Variants in PPP1R16A observed in about 807,000 individuals in gnomAD.
The protein encoded by PPP1R16A is protein phosphatase 1 regulatory subunit 16A.
Under a neutral mutation model 46.6 loss-of-function variants are expected in PPP1R16A, and 39 were observed. The observed-to-expected ratio is 0.84, with a 90% CI of 0.65 to 1.09. The LOEUF (loss-of-function observed/expected upper bound fraction) is 1.09, where lower values mean the gene tolerates loss of function less well. Ranked by LOEUF, PPP1R16A falls within the 50% of genes least tolerant of loss-of-function variation. The probability of loss-of-function intolerance (pLI) is 0.00; values close to 1 mark genes in which losing one functional copy is unlikely to be tolerated. For synonymous variants in PPP1R16A, 413 were observed against 321.5 expected, an observed-to-expected ratio of 1.28 and a Z score of -3.04; for missense variants, 798 against 735.6, an observed-to-expected ratio of 1.08 and a Z score of -0.98.
intron 2 of PPP1R16A, among the ~76,000 whole-genome samples, chr8:144,490,666 G>A (rs1825777910): frequency 6.6e-6 from 1 of 152,200 alleles, no homozygotes; most frequent in Non-Finnish European, 1.5e-5. Context: ...GCTGAGGTGA[G>A]GCATGTCTCC....
Position 144,500,822 on chromosome 8 carries a change from C to T in PPP1R16A, c.908-20C>T, listed in dbSNP as rs748669302. 91 of 1,588,600 alleles carry T rather than the reference C, an allele frequency of 5.7e-5. No individual in the cohort carries two copies. The highest frequency in any genetic ancestry group is 7.1e-5 in the Non-Finnish European group (83 of 1,168,810). On this transcript the variant is annotated intron_variant, in intron 9 of 11. Coordinates refer to ENST00000435887, the MANE Select transcript of PPP1R16A (RefSeq NM_001329443.2). ...GGACAGGCGGGGAGGGCGCCCCTGA[C>T]GCCTGCGCCCACTTCTCAGATGTGT...
At chr8:144,499,886 G>A in intron 5 of PPP1R16A, 1 of 573,328 alleles carries the variant, frequency 1.7e-6, no homozygotes, top group Non-Finnish European at 3.1e-6. Flanking sequence ...TCCCTGGATG[G>A]ATAGAGACTG....
In PPP1R16A at chr8:144,497,279, C is replaced by A. The variant is rs373164819; in HGVS notation, c.85C>A (p.Arg29=). The A allele has an allele frequency of 1.2e-6, 2 of 1,610,920 alleles. No homozygotes were observed. The highest frequency in any genetic ancestry group is 1.7e-6 in the Non-Finnish European group (2 of 1,179,228). ...TQERLKHAQK[R]RAQQVKMWAQ... is the part of the protein sequence containing the mutation. ...GGAGCGGCTGAAGCATGCCCAGAAG[C>A]GGCGCGCCCAGCAGGTGAAGATGTG... Residue 29 remains arginine, a synonymous_variant, in exon 3 of 12, where the codon CGG becomes AGG. Transcript: ENST00000435887.
intron 1 of PPP1R16A, among the ~76,000 whole-genome samples, chr8:144,480,494 T>C (rs1825366714): frequency 2.0e-5 from 3 of 151,838 alleles, no homozygotes. Flanking sequence ...TTATATCTTT[T>C]TTTTTTTTTT....
chr8:144,487,941 G>C (rs1036771116), intron 1 of PPP1R16A, among the ~76,000 whole-genome samples: 1 of 152,236 alleles, frequency 6.6e-6, no homozygotes, highest in Non-Finnish European at 1.5e-5. Context: ...CATCTTTTCA[G>C]TTCTGGGTTT....
intron 5 of PPP1R16A, 191 bp downstream of exon 5, chr8:144,499,252 G>A (rs1355459746): frequency 4.0e-6 from 3 of 747,052 alleles, no homozygotes; most frequent in Non-Finnish European, 6.2e-6. Context: ...GCCCAGGGCA[G>A]CGCGGTCCCT....
intron 1 of PPP1R16A, among the ~76,000 whole-genome samples, chr8:144,489,624 C>T (rs767030836): frequency 2.0e-5 from 3 of 152,124 alleles, no homozygotes; most frequent in Non-Finnish European, 4.4e-5. Context: ...TCCAGAGCCT[C>T]CTCTTCTGCC....
intron 1 of PPP1R16A, 78 bp from the exon 2 acceptor site, chr8:144,489,956 C>T (rs974735952): frequency 1.3e-5 from 2 of 152,334 alleles, no homozygotes; most frequent in African/African-American, 4.8e-5. Flanking sequence ...CTTGGCCGCA[C>T]TGAGCTGTGC....
At chr8:144,499,311 C>G (rs1380379039) in intron 5 of PPP1R16A, 3 of 547,722 alleles carry the variant, frequency 5.5e-6, no homozygotes, top group African/African-American at 3.8e-5. Context: ...CTCGGGCCCC[C>G]CCCCAGAGTG....
intron 1 of PPP1R16A, among the ~76,000 whole-genome samples, chr8:144,479,601 C>T (rs533640521): frequency 2.4e-4 from 36 of 152,316 alleles, no homozygotes; most frequent in Non-Finnish European, 4.7e-4. Flanking sequence ...TCTTGAACCT[C>T]TGGTCTGAAT....
At chr8:144,485,777 G>A (rs1383898893) in intron 1 of PPP1R16A, among the ~76,000 whole-genome samples, 2 of 152,282 alleles carry the variant, frequency 1.3e-5, no homozygotes, top group African/African-American at 2.4e-5. Context: ...GTGAGCCCAT[G>A]GCCAAGATGC....
At chr8:144,485,212 C>CAAAAAAAAAAAAAAAAAAAAAAA (rs749667274) in intron 1 of PPP1R16A, among the ~76,000 whole-genome samples, 1 of 61,528 alleles carries the variant, frequency 1.6e-5, no homozygotes, top group African/African-American at 1.1e-4. Flanking sequence ...AATAGAATCT[C>CAAAAAAAAAAAAAAAAAAAAAAA]AAAAAAAAAA....
chr8:144,500,815 C>G (rs938471863), intron 9 of PPP1R16A, 27 bp from the exon 10 acceptor site: 1 of 1,593,210 alleles, frequency 6.3e-7, no homozygotes, highest in Admixed American at 1.7e-5. Flanking sequence ...GGGGAGGGCG[C>G]CCCTGACGCC....
intron 1 of PPP1R16A, among the ~76,000 whole-genome samples, chr8:144,488,364 G>A (rs758933991): frequency 6.6e-6 from 1 of 152,198 alleles, no homozygotes. Context: ...TTGAGGGAGT[G>A]GCTCTGCTAT....
Position 144,496,818 on chromosome 8 carries a change from A to C in PPP1R16A, c.-377A>C. On this transcript the variant is annotated 5_prime_UTR_variant, in exon 3 of 12. Transcript: ENST00000435887. Reference sequence around the variant, plus strand: ...CTCAGCAGGGTGCCCGGAAGCTGGAACCTTGTTATCTGGGTAATTAGTTTC... The same window carrying C: ...CTCAGCAGGGTGCCCGGAAGCTGGACCCTTGTTATCTGGGTAATTAGTTTC... The C allele has an allele frequency of 3.5e-6, 1 of 286,420 alleles. No individual in the cohort carries two copies. 17.7% of individuals were successfully genotyped at this position (286,420 alleles called of 1,614,324 possible).
intron 1 of PPP1R16A, among the ~76,000 whole-genome samples, chr8:144,489,830 G>A (rs1825745342): frequency 6.6e-6 from 1 of 152,218 alleles, no homozygotes; most frequent in Non-Finnish European, 1.5e-5. Flanking sequence ...CTTTATGGCT[G>A]GTGCTGTCCT....
At chr8:144,482,234 A>G (rs1825463285) in intron 1 of PPP1R16A, among the ~76,000 whole-genome samples, 1 of 151,326 alleles carries the variant, frequency 6.6e-6, no homozygotes, top group Non-Finnish European at 1.5e-5. Context: ...CACCACACCC[A>G]GCTAATTTTT....
chr8:144,485,938 GT>G (rs1259277063), intron 1 of PPP1R16A, among the ~76,000 whole-genome samples: 3 of 152,182 alleles, frequency 2.0e-5, no homozygotes, highest in African/African-American at 7.2e-5. Flanking sequence ...GTGCTGCAGG[GT>G]GTGGGCGTTG....
intron 2 of PPP1R16A, among the ~76,000 whole-genome samples, chr8:144,490,505 C>CAAAA (rs11337640): frequency 1.4e-5 from 2 of 141,556 alleles, no homozygotes; most frequent in Non-Finnish European, 3.1e-5. Context: ...GACCCTGTCT[C>CAAAA]AAAAAAAAAA....
Sources: gnomAD v4.1 joint callset for allele counts (sites outside exome capture counted in the v4.1 genomes callset) on GRCh38, gnomAD v4.1.1 for gene constraint, MANE v1.5 for transcripts, NCBI Gene and HGNC (gene_info 2026-07-23, HGNC 2026-07-21) for gene names.